The following DYNC1I1 variants were observed in gnomAD, a reference collection of about 807,000 sequenced individuals.
DYNC1I1 encodes dynein cytoplasmic 1 intermediate chain 1.
Under a neutral mutation model 86.6 loss-of-function variants are expected in DYNC1I1, and 43 were observed. The ratio of observed to expected loss-of-function variants is 0.50; its 90% CI spans 0.39 to 0.64. DYNC1I1 has a LOEUF of 0.64. Ranked by LOEUF, DYNC1I1 falls within the 30% of genes least tolerant of loss-of-function variation. DYNC1I1 has a pLI of 0.00. For missense variants in DYNC1I1, 604 were observed against 788.8 expected, an observed-to-expected ratio of 0.77 and a Z score of 2.81; for synonymous variants, 262 against 283.7, an observed-to-expected ratio of 0.92 and a Z score of 0.77.
chr7:95,799,642 T>G (rs1024424753), intron 1 of DYNC1I1, among the ~76,000 whole-genome samples: 9 of 146,092 alleles, frequency 6.2e-5, no homozygotes, highest in Non-Finnish European at 1.0e-4. Context: ...TTTAAAAAGT[T>G]TTTTTTTTTT....
At chr7:96,075,347 GATCT>G (rs1790298189) in intron 14 of DYNC1I1, among the ~76,000 whole-genome samples, 1 of 152,094 alleles carries the variant, frequency 6.6e-6, no homozygotes, top group South Asian at 2.1e-4. Flanking sequence ...AACACTGGGT[GATCT>G]AGGAATACTG....
intron 10 of DYNC1I1, among the ~76,000 whole-genome samples, chr7:96,022,795 C>T (rs954282215): frequency 3.3e-5 from 5 of 151,866 alleles, no homozygotes; most frequent in African/African-American, 1.2e-4. Flanking sequence ...AGCCTGGGAG[C>T]TCAAGTGAGC....
intron 10 of DYNC1I1, among the ~76,000 whole-genome samples, chr7:96,025,842 G>GC (rs932448638): frequency 5.6e-5 from 5 of 89,220 alleles, no homozygotes; most frequent in East Asian, 3.8e-4. Flanking sequence ...CAAGCTTGCG[G>GC]GGGGGGGATA....
At chr7:95,964,375 G>T (rs1792952270) in intron 6 of DYNC1I1, among the ~76,000 whole-genome samples, 1 of 152,180 alleles carries the variant, frequency 6.6e-6, no homozygotes. Context: ...GAGGCAGGGG[G>T]ATGTCCTGAT....
chr7:96,050,038 C>A (rs80108298), intron 14 of DYNC1I1, among the ~76,000 whole-genome samples: 2,190 of 138,180 alleles, frequency 0.016, 91 homozygotes, highest in African/African-American at 0.057. Flanking sequence ...AACAAACAAA[C>A]AAAAAAAAAA....
chr7:95,852,273 G>A (rs2706871), intron 5 of DYNC1I1, among the ~76,000 whole-genome samples: 77,502 of 151,538 alleles, frequency 0.51, 21,844 homozygotes, highest in Middle Eastern at 0.65. Context: ...CATTTCTTTT[G>A]GGTTATTCTA....
chr7:95,911,162 A>C (rs1352191800), intron 6 of DYNC1I1, among the ~76,000 whole-genome samples: 1 of 152,198 alleles, frequency 6.6e-6, no homozygotes, highest in African/African-American at 2.4e-5. Flanking sequence ...TAGACCAACA[A>C]GGCTTGATAA....
chr7:95,944,767 G>A (rs898787414), intron 6 of DYNC1I1, among the ~76,000 whole-genome samples: 10 of 151,204 alleles, frequency 6.6e-5, no homozygotes, highest in African/African-American at 1.7e-4. Context: ...GTAAACTATC[G>A]CAAGAACAAA....
intron 10 of DYNC1I1, among the ~76,000 whole-genome samples, chr7:96,003,235 A>T (rs374222616): frequency 6.6e-6 from 1 of 152,182 alleles, no homozygotes; most frequent in East Asian, 1.9e-4. Flanking sequence ...CGAGGTACAG[A>T]TGCATTGGCT....
At chr7:95,826,320 C>T (rs1044563954) in intron 4 of DYNC1I1, among the ~76,000 whole-genome samples, 5 of 152,208 alleles carry the variant, frequency 3.3e-5, no homozygotes, top group South Asian at 2.1e-4. Flanking sequence ...GCTACTTCTG[C>T]AGGAGGGGTT....
chr7:96,093,143 G>C (rs775657490), intron 16 of DYNC1I1, among the ~76,000 whole-genome samples: 3 of 152,088 alleles, frequency 2.0e-5, no homozygotes, highest in African/African-American at 7.2e-5. Context: ...GCCACAAAAC[G>C]TATCATTTTG....
In DYNC1I1 at chr7:95,877,591, G is replaced by C. The variant is rs528785227; in HGVS notation, c.490+7593G>C. On this transcript the variant is annotated intron_variant, in intron 6 of 16. Transcript: ENST00000447467. ...ATGATTTTCAATGTTCAAGCCTAAGGGCATCCTCAAAACAATCAAGATAGT... is the reference window on the plus strand; with the variant it reads ...ATGATTTTCAATGTTCAAGCCTAAGCGCATCCTCAAAACAATCAAGATAGT... 3.9e-5 allele frequency among the ~76,000 whole-genome samples: 6 copies of C among 152,226 alleles called. No individual in the cohort carries two copies. The East Asian group carries it at 1.2e-3, about 29-fold the overall frequency.
intron 10 of DYNC1I1, among the ~76,000 whole-genome samples, chr7:96,003,417 G>A (rs1215713081): frequency 6.6e-6 from 1 of 152,180 alleles, no homozygotes; most frequent in East Asian, 1.9e-4. Context: ...TGATGGGGCT[G>A]ACCAATGTTT....
intron 10 of DYNC1I1, among the ~76,000 whole-genome samples, chr7:96,025,222 T>G (rs2115940972): frequency 6.6e-6 from 1 of 152,264 alleles, no homozygotes; most frequent in South Asian, 2.1e-4. Flanking sequence ...ACGTTAGCAT[T>G]TTTACATGAA....
At chr7:95,871,549 A>T (rs1790169125) in intron 6 of DYNC1I1, among the ~76,000 whole-genome samples, 1 of 152,324 alleles carries the variant, frequency 6.6e-6, no homozygotes, top group African/African-American at 2.4e-5. Context: ...ATGTTTATTT[A>T]GCCCAAAACT....
At chr7:95,814,587 C>T (rs1286163126) in intron 4 of DYNC1I1, among the ~76,000 whole-genome samples, 8 of 152,144 alleles carry the variant, frequency 5.3e-5, no homozygotes, top group African/African-American at 1.4e-4. Flanking sequence ...ACTGTTTCCA[C>T]ACAGGCATAG....
intron 16 of DYNC1I1, among the ~76,000 whole-genome samples, chr7:96,083,369 T>C (rs1351302050): frequency 2.6e-5 from 4 of 152,072 alleles, no homozygotes; most frequent in African/African-American, 9.7e-5. Flanking sequence ...TTATTCTAAA[T>C]CGCTGAAGAC....
At chr7:95,788,004 A>G (rs1794194121) in intron 1 of DYNC1I1, among the ~76,000 whole-genome samples, 1 of 152,168 alleles carries the variant, frequency 6.6e-6, no homozygotes, top group African/African-American at 2.4e-5. Flanking sequence ...AGGAACAGTT[A>G]GTAGGCCAGA....
Position 96,076,185 on chromosome 7 carries a change from C to T in DYNC1I1, c.1638C>T (p.Asn546=), listed in dbSNP as rs376956482. 3.0e-4 allele frequency: 484 copies of T among 1,614,180 alleles called. No homozygotes were observed. The highest frequency in any genetic ancestry group is 4.0e-4 in the Admixed American group (24 of 60,022). ...GMGRLDLWNL[N]NDTEVPTASV... ...GGCGCTTGGACCTCTGGAACCTCAA[C>T]AATGACACCGAGGTGAGCGGCGGCT... Residue 546 remains asparagine (N), a synonymous_variant, in exon 15 of 17, where the codon AAC becomes AAT. Transcript: ENST00000447467.
Sources: gnomAD v4.1 joint callset for allele counts (sites outside exome capture counted in the v4.1 genomes callset) on GRCh38, gnomAD v4.1.1 for gene constraint, MANE v1.5 for transcripts, NCBI Gene and HGNC (gene_info 2026-07-23, HGNC 2026-07-21) for gene names.